The following GRIN2A variants were observed in gnomAD, a reference collection of about 807,000 sequenced individuals.
The protein encoded by GRIN2A is glutamate receptor ionotropic, NMDA 2A.
Under a neutral mutation model 113.4 loss-of-function variants are expected in GRIN2A, and 22 were observed. That is an observed-to-expected ratio of 0.19 (90% CI 0.14 to 0.28). GRIN2A has a LOEUF of 0.28. Ranked by LOEUF, GRIN2A falls within the 10% of genes least tolerant of loss-of-function variation. The pLI is 1.00. For synonymous variants in GRIN2A, 827 were observed against 738.4 expected (o/e 1.12, Z -1.94); for missense variants, 1,502 against 1,887.0 (o/e 0.80, Z 3.78).
chr16:9,816,595 C>T (rs768310587), intron 10 of GRIN2A, among the ~76,000 whole-genome samples: 1 of 152,212 alleles, frequency 6.6e-6, no homozygotes, highest in Non-Finnish European at 1.5e-5. Context: ...ATGTGCGACG[C>T]TTGCAGTTTT....
chr16:9,931,458 G>A (rs4782053), intron 3 of GRIN2A, among the ~76,000 whole-genome samples: 104,914 of 152,050 alleles, frequency 0.69, 38,032 homozygotes, highest in African/African-American at 0.86. Flanking sequence ...TCTTACACAC[G>A]CACCCTCTTT....
chr16:10,084,349 C>A (rs1470074081), intron 2 of GRIN2A, among the ~76,000 whole-genome samples: 3 of 152,134 alleles, frequency 2.0e-5, no homozygotes, highest in African/African-American at 7.2e-5. Flanking sequence ...ACAGAGCAAA[C>A]CCCTTTTCAT....
chr16:10,099,806 T>C (rs575990311), intron 2 of GRIN2A, among the ~76,000 whole-genome samples: 1 of 152,366 alleles, frequency 6.6e-6, no homozygotes, highest in East Asian at 1.9e-4. Flanking sequence ...GAAGTCAGAA[T>C]GTTTGTTATT....
chr16:10,143,761 T>C (rs2049375786), intron 2 of GRIN2A, among the ~76,000 whole-genome samples: 1 of 152,062 alleles, frequency 6.6e-6, no homozygotes, highest in African/African-American at 2.4e-5. Context: ...GCCCAGGAGT[T>C]TGAGACCAGC....
rs1034217372 is a variant in GRIN2A at position 9,877,937 on chromosome 16, T to A, written c.1122+13049A>T. On this transcript the variant is annotated intron_variant, in intron 4 of 12. Transcript: ENST00000330684. ...GCTTTGCGTTTCTCTACAACACAGA[T>A]GAGCAGATGACCCTGTCAGAAAACC... 2.0e-5 allele frequency among the ~76,000 whole-genome samples: 3 copies of A among 149,146 alleles called. No homozygotes were observed. In the Admixed American group the frequency reaches 2.0e-4, roughly 10 times the overall value.
Position 9,953,811 on chromosome 16 carries a change from AGT to A in GRIN2A, c.415-15262_415-15261del, listed in dbSNP as rs377108738. Among the ~76,000 whole-genome samples, 16 of 152,298 alleles carry A rather than the reference AGT, an allele frequency of 1.1e-4. No homozygotes were observed. The East Asian group carries it at 1.4e-3, about 13-fold the overall frequency. ...GCTGAAAGGTACTGCTGTGTGGTGC[AGT>A]GAGATGTTCACCTGGGACTTTAAGG... On this transcript the variant is annotated intron_variant, in intron 2 of 12. Transcript: ENST00000330684.
At chr16:10,160,717 A>G (rs1162061104) in intron 2 of GRIN2A, among the ~76,000 whole-genome samples, 3 of 152,246 alleles carry the variant, frequency 2.0e-5, no homozygotes, top group Non-Finnish European at 4.4e-5. Context: ...TTTGTTTAAG[A>G]AACAAAACTT....
intron 2 of GRIN2A, among the ~76,000 whole-genome samples, chr16:9,992,561 C>A (rs1567222072): frequency 1.3e-5 from 2 of 152,214 alleles, no homozygotes; most frequent in Non-Finnish European, 2.9e-5. Context: ...TTAGCTCCTT[C>A]CACCGGAGGC....
intron 2 of GRIN2A, among the ~76,000 whole-genome samples, chr16:10,165,239 C>G (rs967000690): frequency 6.6e-6 from 1 of 151,790 alleles, no homozygotes. Context: ...CTGAAAGCCT[C>G]ATGATAAAAT....
intron 2 of GRIN2A, among the ~76,000 whole-genome samples, chr16:9,985,844 T>A (rs938284267): frequency 1.3e-4 from 20 of 152,202 alleles, no homozygotes; most frequent in African/African-American, 4.8e-4. Context: ...CAGAGTATAA[T>A]TGGATTGTAA....
chr16:10,012,524 A>G (rs2046525589), intron 2 of GRIN2A, among the ~76,000 whole-genome samples: 1 of 152,240 alleles, frequency 6.6e-6, no homozygotes, highest in South Asian at 2.1e-4. Flanking sequence ...CGATTCTAAA[A>G]GGGTGGCCAT....
rs1284855350 is a variant in GRIN2A at position 9,760,930 on chromosome 16, A to C, written c.*2219T>G. The C allele has an allele frequency of 4.3e-6, 1 of 232,470 alleles. No individual in the cohort carries two copies. Among genetic ancestry groups the C allele is most frequent in the Non-Finnish European group, 8.5e-6 (1 of 117,640 alleles). The allele number at this position is 232,470 out of a possible 1,614,324, so 14.4% of individuals were successfully genotyped here. ...TACACAGTCATGGAGATTCAGATTT[A>C]GGATCAGATGTTGGGGTGACTATTC... On this transcript the variant is annotated 3_prime_UTR_variant, in exon 13 of 13. Transcript: ENST00000330684.
chr16:10,164,364 G>T (rs1382884358), intron 2 of GRIN2A, among the ~76,000 whole-genome samples: 2 of 152,176 alleles, frequency 1.3e-5, no homozygotes, highest in African/African-American at 4.8e-5. Flanking sequence ...ATTGGGTCAG[G>T]GTCTGCGGGA....
chr16:10,055,726 C>T (rs541153079), intron 2 of GRIN2A, among the ~76,000 whole-genome samples: 1 of 152,190 alleles, frequency 6.6e-6, no homozygotes, highest in Non-Finnish European at 1.5e-5. Context: ...AAAGCTTCAA[C>T]AGAAACCAAT....
At chr16:9,973,649 G>C (rs1051177314) in intron 2 of GRIN2A, among the ~76,000 whole-genome samples, 2 of 152,018 alleles carry the variant, frequency 1.3e-5, no homozygotes, top group Non-Finnish European at 2.9e-5. Context: ...AAAATCAAAA[G>C]AAAGAAAATC....
intron 4 of GRIN2A, among the ~76,000 whole-genome samples, chr16:9,861,645 T>C (rs973953841): frequency 3.9e-5 from 6 of 152,256 alleles, no homozygotes; most frequent in Non-Finnish European, 8.8e-5. Flanking sequence ...AGTTCAGTGA[T>C]GTTTTTTAAA....
chr16:10,081,211 T>C (rs1487076469), intron 2 of GRIN2A, among the ~76,000 whole-genome samples: 1 of 152,192 alleles, frequency 6.6e-6, no homozygotes, highest in African/African-American at 2.4e-5. Context: ...CCCACACTTA[T>C]TCTAAGGGAC....
chr16:9,805,155 C>G (rs1037956672), intron 10 of GRIN2A, among the ~76,000 whole-genome samples: 1 of 152,168 alleles, frequency 6.6e-6, no homozygotes, highest in African/African-American at 2.4e-5. Context: ...CTGGGGAGGA[C>G]TATACCCCAC....
intron 2 of GRIN2A, among the ~76,000 whole-genome samples, chr16:10,117,819 C>G (rs9926837): frequency 0.31 from 47,884 of 152,126 alleles, 7,552 homozygotes; most frequent in East Asian, 0.37. Flanking sequence ...TCCATAATGA[C>G]AATAGAAATA....
Sources: allele counts gnomAD v4.1 joint callset (sites outside exome capture counted in the v4.1 genomes callset), GRCh38; gene constraint gnomAD v4.1.1; transcripts MANE v1.5; gene names NCBI Gene and HGNC (gene_info 2026-07-23, HGNC 2026-07-21).